CACNB2: variants seen among roughly 807,000 people sequenced by gnomAD.
CACNB2 encodes calcium voltage-gated channel auxiliary subunit beta 2, also known as voltage-dependent L-type calcium channel subunit beta-2.
Under a neutral mutation model 73.3 loss-of-function variants are expected in CACNB2, and 42 were observed. That is an observed-to-expected ratio of 0.57 (90% confidence interval 0.45 to 0.74). The LOEUF (loss-of-function observed/expected upper bound fraction) is 0.74, where lower values mean the gene tolerates loss of function less well. CACNB2 is among the 30% of genes least tolerant of loss of function. The pLI, the probability that CACNB2 is intolerant of heterozygous loss-of-function variation, is 0.00. For synonymous variants in CACNB2, 348 were observed against 310.3 expected (o/e 1.12, Z -1.28); for missense variants, 940 against 853.0 (o/e 1.10, Z -1.27).
chr10:18,387,298 T>C lies in CACNB2; in HGVS notation c.214-14626T>C, dbSNP rs377671523. On this transcript the variant is annotated intron_variant, in intron 2 of 13. Transcript: ENST00000324631. ...TTCATCTCCCTGCCATCTTCCCTCA[T>C]AGTGTCCCATGGCTTTCCTTTATAG... 7.2e-5 allele frequency among the ~76,000 whole-genome samples: 11 copies of C among 152,310 alleles called. No homozygotes were observed. In the East Asian group the frequency reaches 1.3e-3, roughly 19 times the overall value.
At chr10:18,307,293 C>T (rs536253701) in intron 2 of CACNB2, among the ~76,000 whole-genome samples, 1 of 152,244 alleles carries the variant, frequency 6.6e-6, no homozygotes, top group African/African-American at 2.4e-5. Context: ...GAAACCCTGT[C>T]TCTACTAAAA....
chr10:18,302,282 C>T (rs1429692657), intron 2 of CACNB2, among the ~76,000 whole-genome samples: 1 of 152,094 alleles, frequency 6.6e-6, no homozygotes, highest in Non-Finnish European at 1.5e-5. Flanking sequence ...GGTCGGGGGG[C>T]GCTTTGTTGC....
chr10:18,229,925 C>T (rs1032822463), intron 2 of CACNB2, among the ~76,000 whole-genome samples: 2 of 152,120 alleles, frequency 1.3e-5, no homozygotes, highest in African/African-American at 2.4e-5. Context: ...CCTTTAGTAT[C>T]GAAACTCGAC....
intron 2 of CACNB2, among the ~76,000 whole-genome samples, chr10:18,378,186 T>C (rs768898805): frequency 2.0e-5 from 3 of 152,310 alleles, no homozygotes; most frequent in African/African-American, 7.2e-5. Flanking sequence ...TCCCTAGACC[T>C]GAATGCACAG....
At chr10:18,394,374 G>A (rs1231827713) in intron 2 of CACNB2, among the ~76,000 whole-genome samples, 6 of 152,132 alleles carry the variant, frequency 3.9e-5, no homozygotes, top group Admixed American at 2.6e-4. Context: ...GTTAGAAATG[G>A]CTATACCTAT....
At chr10:18,206,407 C>T (rs1042575093) in intron 2 of CACNB2, 2 of 152,680 alleles carry the variant, frequency 1.3e-5, no homozygotes, top group Non-Finnish European at 2.9e-5. Flanking sequence ...GGGCTATTGC[C>T]TGGGCATCCC....
intron 1 of CACNB2, among the ~76,000 whole-genome samples, chr10:18,150,194 T>A (rs1020742406): frequency 6.6e-6 from 1 of 152,278 alleles, no homozygotes; most frequent in Non-Finnish European, 1.5e-5. Context: ...CATTTTTAGA[T>A]GTTTCTGCTT....
intron 9 of CACNB2, chr10:18,519,598 TCTC>T (rs1427671736): frequency 1.5e-5 from 6 of 411,792 alleles, no homozygotes; most frequent in African/African-American, 1.0e-4. Context: ...TCCTTTGCTC[TCTC>T]CTCATGAGTA....
intron 3 of CACNB2, among the ~76,000 whole-genome samples, chr10:18,480,200 C>T (rs2048651793): frequency 6.6e-6 from 1 of 152,030 alleles, no homozygotes; most frequent in Non-Finnish European, 1.5e-5. Context: ...TTCCCATTCA[C>T]TTGGATAGGT....
intron 1 of CACNB2, 68 bp downstream of exon 1, chr10:18,140,924 C>A (rs973614003): frequency 2.6e-6 from 4 of 1,543,980 alleles, no homozygotes; most frequent in African/African-American, 2.7e-5. Flanking sequence ...CTCGGGTTCT[C>A]CCGGCGCCTC....
At chr10:18,423,491 C>T (rs894578561) in intron 3 of CACNB2, among the ~76,000 whole-genome samples, 1 of 152,134 alleles carries the variant, frequency 6.6e-6, no homozygotes, top group Non-Finnish European at 1.5e-5. Context: ...CCATAAGCAA[C>T]GGTCCCTTCA....
chr10:18,463,697 G>A (rs1178798433), intron 3 of CACNB2, among the ~76,000 whole-genome samples: 1 of 151,836 alleles, frequency 6.6e-6, no homozygotes, highest in East Asian at 1.9e-4. Flanking sequence ...GCCTCCCAAA[G>A]CAGGATTAGA....
chr10:18,441,159 C>T (rs1343122133), intron 3 of CACNB2, among the ~76,000 whole-genome samples: 2 of 152,006 alleles, frequency 1.3e-5, no homozygotes, highest in Non-Finnish European at 2.9e-5. Flanking sequence ...AATCCCAGCA[C>T]TTTGGGAGGC....
chr10:18,485,712 C>A (rs571332963), intron 3 of CACNB2, among the ~76,000 whole-genome samples: 2 of 151,914 alleles, frequency 1.3e-5, no homozygotes, highest in African/African-American at 4.8e-5. Context: ...CAGGCACCCA[C>A]CACCATGCTT....
At chr10:18,514,580 A>T in intron 7 of CACNB2, 2 of 1,587,644 alleles carry the variant, frequency 1.3e-6, no homozygotes, top group Non-Finnish European at 1.7e-6. Flanking sequence ...TGGCATCATT[A>T]GCATTAATTC....
chr10:18,414,644 C>T (rs540111379), intron 3 of CACNB2, among the ~76,000 whole-genome samples: 1 of 152,134 alleles, frequency 6.6e-6, no homozygotes, highest in African/African-American at 2.4e-5. Context: ...ACCACCACAG[C>T]CTGCTAATTT....
chr10:18,442,231 C>G (rs1291221227), intron 3 of CACNB2, among the ~76,000 whole-genome samples: 1 of 151,986 alleles, frequency 6.6e-6, no homozygotes, highest in African/African-American at 2.4e-5. Flanking sequence ...CTCACTGCAA[C>G]CTCCGCCTCC....
chr10:18,283,426 T>C (rs913495853), intron 2 of CACNB2, among the ~76,000 whole-genome samples: 3 of 152,076 alleles, frequency 2.0e-5, no homozygotes, highest in African/African-American at 7.2e-5. Context: ...AACCCTTATG[T>C]CCACCAATGA....
intron 2 of CACNB2, among the ~76,000 whole-genome samples, chr10:18,265,865 C>A (rs1163061824): frequency 1.3e-5 from 2 of 152,102 alleles, no homozygotes. Flanking sequence ...TTGCTGTCTA[C>A]TTGGTTGCTG....
Sources: gnomAD v4.1 joint callset for allele counts (sites outside exome capture counted in the v4.1 genomes callset) on GRCh38, gnomAD v4.1.1 for gene constraint, MANE v1.5 for transcripts, NCBI Gene and HGNC (gene_info 2026-07-23, HGNC 2026-07-21) for gene names.